Variants in PHF6 observed in about 807,000 individuals in gnomAD.
The protein encoded by PHF6 is PHD finger protein 6.
Under a neutral mutation model 34.0 loss-of-function variants are expected in PHF6, and 7 were observed. The observed-to-expected ratio is 0.21, with a 90% confidence interval of 0.12 to 0.39. PHF6 has a LOEUF of 0.39. Ranked by LOEUF, PHF6 falls within the 10% of genes least tolerant of loss-of-function variation. The probability of loss-of-function intolerance (pLI) is 1.00; values close to 1 mark genes in which losing one functional copy is unlikely to be tolerated. For missense variants in PHF6, 128 were observed against 262.8 expected (o/e 0.49, Z 3.55); for synonymous variants, 89 against 88.4 (o/e 1.01, Z -0.04).
At chrX:134,403,816 A>G (rs770802679) in intron 5 of PHF6, among the ~76,000 whole-genome samples, 1 of 112,170 alleles carries the variant, frequency 8.9e-6, no homozygotes, top group African/African-American at 3.2e-5. Flanking sequence ...TACTCTGTTT[A>G]TACTCTATAA....
chrX:134,425,403 G>A (rs868533513), intron 10 of PHF6, 73 bp downstream of exon 10: 1 of 1,122,833 alleles, frequency 8.9e-7, no homozygotes, highest in Non-Finnish European at 1.2e-6. Context: ...TGAAGTAATG[G>A]TATGCAGTAA....
chrX:134,398,368 C>T (rs1170409825), intron 5 of PHF6, among the ~76,000 whole-genome samples: 7 of 111,945 alleles, frequency 6.3e-5, no homozygotes. Flanking sequence ...CCAGCCTAGG[C>T]AACAGAGTGA....
chrX:134,424,846 T>C (rs773442697), intron 9 of PHF6, among the ~76,000 whole-genome samples: 5 of 112,196 alleles, frequency 4.5e-5, no homozygotes, highest in Non-Finnish European at 9.4e-5. Flanking sequence ...AAATTAAATA[T>C]ATGAAACAAA....
Position 134,417,999 on chromosome X carries a change from G to A in PHF6, c.968+697G>A, listed in dbSNP as rs1471324307. The A allele has an allele frequency of 3.6e-5, 4 of 112,188 alleles. No individual in the cohort carries two copies. In the East Asian group the frequency reaches 1.1e-3, roughly 31 times the overall value. The allele number at this position is 112,188 out of a possible 1,213,427, so 9.2% of individuals were successfully genotyped here. On this transcript the variant is annotated intron_variant, in intron 9 of 10. Coordinates refer to ENST00000370803, the MANE Select transcript of PHF6 (RefSeq NM_001015877.2). The stretch of plus-strand genomic sequence containing the variant: ...TTCTAAAGAAGTTACAAAGTGTTAT[G>A]AGAGCGTATAAGAAGGAAGAGCTAA...
At chrX:134,412,260 CA>C (rs2077454110) in intron 5 of PHF6, among the ~76,000 whole-genome samples, 1 of 112,010 alleles carries the variant, frequency 8.9e-6, no homozygotes, top group South Asian at 3.6e-4. Flanking sequence ...TTAACTCCCT[CA>C]AGTCCCACCA....
chrX:134,408,321 T>G (rs1022706526), intron 5 of PHF6, among the ~76,000 whole-genome samples: 1 of 112,310 alleles, frequency 8.9e-6, no homozygotes, highest in African/African-American at 3.2e-5. Flanking sequence ...AATATACTTA[T>G]GTACTTATAC....
At chrX:134,417,443 A>G (rs2077476191) in intron 9 of PHF6, 141 bp downstream of exon 9, 1 of 593,162 alleles carries the variant, frequency 1.7e-6, no homozygotes, top group Non-Finnish European at 2.6e-6. Flanking sequence ...AGGAATGAGT[A>G]CTACAATTGG....
intron 1 of PHF6, 129 bp from the exon 2 acceptor site, chrX:134,377,443 G>T: frequency 3.7e-4 from 154 of 415,483 alleles, no homozygotes; most frequent in Middle Eastern, 7.6e-4. Context: ...GGCTTAATTT[G>T]TCTATACTAA....
At chrX:134,395,301 A>G (rs780956779) in intron 5 of PHF6, among the ~76,000 whole-genome samples, 1 of 112,473 alleles carries the variant, frequency 8.9e-6, no homozygotes, top group Non-Finnish European at 1.9e-5. Context: ...AAAAATGCCA[A>G]TGTGTTAATA....
intron 3 of PHF6, among the ~76,000 whole-genome samples, chrX:134,392,385 T>G (rs1252273265): frequency 8.9e-6 from 1 of 112,328 alleles, no homozygotes; most frequent in African/African-American, 3.2e-5. Context: ...AAAAGTTCAC[T>G]TGGTACAGTA....
At chrX:134,383,220 G>A (rs1040659260) in intron 3 of PHF6, among the ~76,000 whole-genome samples, 2 of 108,026 alleles carry the variant, frequency 1.9e-5, no homozygotes, top group African/African-American at 6.7e-5. Flanking sequence ...TCTAGCCTGG[G>A]TGATAAAGTG....
At chrX:134,392,269 T>G (rs1248766328) in intron 3 of PHF6, among the ~76,000 whole-genome samples, 1 of 112,114 alleles carries the variant, frequency 8.9e-6, no homozygotes, top group African/African-American at 3.2e-5. Context: ...TGAGAACACT[T>G]TAGAACAAGG....
At chrX:134,377,455 T>A in intron 1 of PHF6, 117 bp from the exon 2 acceptor site, 2 of 497,099 alleles carry the variant, frequency 4.0e-6, no homozygotes, top group Non-Finnish European at 3.2e-6. Flanking sequence ...CTATACTAAA[T>A]AAACATTTAA....
At chrX:134,408,713 C>T (rs1368564496) in intron 5 of PHF6, among the ~76,000 whole-genome samples, 3 of 111,345 alleles carry the variant, frequency 2.7e-5, no homozygotes, top group Non-Finnish European at 5.7e-5. Context: ...AATGATCTTC[C>T]AATTTATTTA....
intron 3 of PHF6, among the ~76,000 whole-genome samples, chrX:134,385,775 A>G (rs2077328996): frequency 9.0e-6 from 1 of 111,668 alleles, no homozygotes; most frequent in South Asian, 3.7e-4. Context: ...TGTATGCCTC[A>G]AACATGAGAG....
chrX:134,393,942 T>G lies in PHF6; in HGVS notation c.408T>G (p.His136Gln). The change falls in exon 5 of 11, where the codon CAT (histidine) becomes CAG (glutamine). Residue 136 changes from histidine to glutamine, a missense_variant. His to Gln is a conservative substitution (Grantham distance 24). This residue lies in a region of PHF6 where 97 missense variants were observed against 152.9 expected (regional missense o/e 0.63). Coordinates refer to ENST00000370803, the MANE Select transcript of PHF6 (RefSeq NM_001015877.2). ...VYCRKHKKTAHNSEADLEESF... is the reference protein window; with the variant it reads ...VYCRKHKKTAQNSEADLEESF... ...GCCGAAAACACAAGAAAACTGCACA[T>G]AACTCCGAAGGTACATCATTTAGCC... 1 of 1,210,913 alleles carries G rather than the reference T, an allele frequency of 8.3e-7. No individual in the cohort carries two copies. Among genetic ancestry groups the G allele is most frequent in the East Asian group, 3.0e-5 (1 of 33,824 alleles).
rs759325913 is a variant in PHF6 at position 134,427,968 on chromosome X, G to A, written c.*2308G>A. ...AATGGACCTCAGCAGTGTATTTACT[G>A]TACATCTCTTAAGTCCTTAACTGTA... On this transcript the variant is annotated 3_prime_UTR_variant, in exon 11 of 11. Transcript: ENST00000370803. 1 of 154,375 alleles carries A rather than the reference G, an allele frequency of 6.5e-6. No homozygotes were observed. Among genetic ancestry groups the A allele is most frequent in the South Asian group, 3.3e-4 (1 of 3,024 alleles). 12.7% of individuals were successfully genotyped at this position (154,375 alleles called of 1,213,427 possible). A position where few individuals can be genotyped will look rare whatever the true frequency, so the allele number is the denominator to read the frequency against.
At chrX:134,391,204 C>G (rs190301159) in intron 3 of PHF6, among the ~76,000 whole-genome samples, 15 of 110,679 alleles carry the variant, frequency 1.4e-4, no homozygotes, top group Non-Finnish European at 1.9e-5. Context: ...GAACTCCTGA[C>G]CTCAGGTGAT....
chrX:134,393,879 A>G, intron 4 of PHF6, 30 bp from the exon 5 acceptor site: 1 of 1,182,769 alleles, frequency 8.5e-7, no homozygotes, highest in South Asian at 1.8e-5. Flanking sequence ...TAGTTTGCTT[A>G]CTAATTTTTG....
Sources: allele counts gnomAD v4.1 joint callset (sites outside exome capture counted in the v4.1 genomes callset), GRCh38; gene constraint gnomAD v4.1.1; regional missense constraint gnomAD v4.1.1; transcripts MANE v1.5; gene names NCBI Gene and HGNC (gene_info 2026-07-23, HGNC 2026-07-21).